Variants in MYO1D observed in about 807,000 individuals in gnomAD.
The protein encoded by MYO1D is unconventional myosin-Id.
In MYO1D, 83 loss-of-function variants were observed where a neutral mutation model predicts 122.0. The observed-to-expected ratio is 0.68, with a 90% CI of 0.57 to 0.82. The LOEUF is 0.82. Ranked by LOEUF, MYO1D falls within the 40% of genes least tolerant of loss-of-function variation. The pLI is 0.00. For synonymous variants in MYO1D, 464 were observed against 446.9 expected, an observed-to-expected ratio of 1.04 and a Z score of -0.48; for missense variants, 1,157 against 1,269.5, an observed-to-expected ratio of 0.91 and a Z score of 1.35.
At chr17:32,653,997 A>G in intron 18 of MYO1D, 50 bp from the exon 19 acceptor site, 1 of 1,441,062 alleles carries the variant, frequency 6.9e-7, no homozygotes, top group Non-Finnish European at 9.7e-7. Flanking sequence ...GCATTTTAGA[A>G]GGAAAGGCAA....
At chr17:32,704,767 G>A (rs767378443) in intron 16 of MYO1D, among the ~76,000 whole-genome samples, 26 of 151,990 alleles carry the variant, frequency 1.7e-4, no homozygotes, top group Non-Finnish European at 3.4e-4. Context: ...GACTGATTGA[G>A]GAAATGCAGA....
intron 1 of MYO1D, among the ~76,000 whole-genome samples, chr17:32,852,942 A>C (rs892625773): frequency 6.6e-6 from 1 of 152,144 alleles, no homozygotes; most frequent in Non-Finnish European, 1.5e-5. Flanking sequence ...TGTAACACCT[A>C]TGTCCTGACT....
chr17:32,496,608 T>C (rs1909122349), intron 21 of MYO1D, among the ~76,000 whole-genome samples: 1 of 152,118 alleles, frequency 6.6e-6, no homozygotes, highest in African/African-American at 2.4e-5. Flanking sequence ...CTGGACCAGA[T>C]GCCTCCAGGA....
intron 1 of MYO1D, among the ~76,000 whole-genome samples, chr17:32,823,922 C>T (rs994469688): frequency 2.6e-5 from 4 of 151,664 alleles, no homozygotes; most frequent in South Asian, 2.1e-4. Flanking sequence ...AAAAAATTAG[C>T]GGGGCGTGGT....
chr17:32,619,177 T>C (rs935192623), intron 20 of MYO1D, among the ~76,000 whole-genome samples: 6 of 152,158 alleles, frequency 3.9e-5, no homozygotes, highest in Admixed American at 1.3e-4. Flanking sequence ...TACCAAGCCA[T>C]CTAGTGGAAC....
intron 1 of MYO1D, among the ~76,000 whole-genome samples, chr17:32,823,772 T>C (rs1187560368): frequency 1.3e-5 from 2 of 152,024 alleles, no homozygotes; most frequent in African/African-American, 2.4e-5. Flanking sequence ...GCAAAAACTA[T>C]TTAAGAAGTA....
Sources: gnomAD v4.1 joint callset for allele counts (sites outside exome capture counted in the v4.1 genomes callset) on GRCh38, gnomAD v4.1.1 for gene constraint, MANE v1.5 for transcripts, NCBI Gene and HGNC (gene_info 2026-07-23, HGNC 2026-07-21) for gene names.